CGRRF1: variants seen among roughly 807,000 people sequenced by gnomAD.
CGRRF1 encodes cell growth regulator with ring finger domain 1.
Under a neutral mutation model 37.2 loss-of-function variants are expected in CGRRF1, and 32 were observed. The observed-to-expected ratio is 0.86, with a 90% CI of 0.65 to 1.16. The LOEUF (loss-of-function observed/expected upper bound fraction) is 1.16, where lower values mean the gene tolerates loss of function less well. Ranked by LOEUF, CGRRF1 falls within the 50% of genes most tolerant of loss-of-function variation. CGRRF1 has a pLI of 0.00. For synonymous variants in CGRRF1, 141 were observed against 140.3 expected (o/e 1.00, Z -0.04); for missense variants, 391 against 382.6 (o/e 1.02, Z -0.18).
Position 54,530,145 on chromosome 14 carries a change from A to G in CGRRF1, c.341A>G (p.His114Arg). 1 of 1,613,544 alleles carries G rather than the reference A, an allele frequency of 6.2e-7. No individual in the cohort carries two copies. Among genetic ancestry groups the G allele is most frequent in the Non-Finnish European group, 8.5e-7 (1 of 1,179,516 alleles). The change falls in exon 3 of 6, where the codon CAT becomes CGT. Residue 114 changes from histidine to arginine, a missense_variant. His to Arg is a conservative substitution (Grantham distance 29). Transcript: ENST00000216420. ...AAATTATATGAAGCTCTGCAGAAGCATGTTTATTGCTTCAGAATAAGCACT... is the reference window on the plus strand; with the variant it reads ...AAATTATATGAAGCTCTGCAGAAGCGTGTTTATTGCTTCAGAATAAGCACT... Reference protein sequence around the residue: ...VQKLYEALQKHVYCFRISTPQ... With the variant: ...VQKLYEALQKRVYCFRISTPQ...
At chr14:54,536,115 TCCTC>T (rs1201652802) in intron 4 of CGRRF1, 2 of 152,246 alleles carry the variant, frequency 1.3e-5, no homozygotes, top group East Asian at 3.9e-4. Flanking sequence ...TTCTGATTTT[TCCTC>T]CCTGTTTTTT....
chr14:54,535,359 T>TCACACACACACACACACA lies in CGRRF1; in HGVS notation c.571-2345_571-2328dup, dbSNP rs143950400. Among the ~76,000 whole-genome samples the TCACACACACACACACACA allele has an allele frequency of 7.2e-3, 1,016 of 140,536 alleles. 15 individuals carry two copies. The highest frequency in any genetic ancestry group is 0.068 in the East Asian group (309 of 4,568). The allele number at this position is 140,536 out of a possible 152,430, so 92.2% of individuals were successfully genotyped here. A position where few individuals can be genotyped will look rare whatever the true frequency, so the allele number is the denominator to read the frequency against. On this transcript the variant is annotated intron_variant, in intron 4 of 5. Coordinates refer to ENST00000216420, the MANE Select transcript of CGRRF1 (RefSeq NM_006568.3). ...ACATGAGCATTTTTGAAGGGTATAG[T>TCACACACACACACACACA]CACACACACACACACACACACACAC...
intron 2 of CGRRF1, among the ~76,000 whole-genome samples, chr14:54,526,989 T>C (rs777750317): frequency 8.5e-5 from 13 of 152,112 alleles, no homozygotes; most frequent in Non-Finnish European, 1.8e-4. Context: ...CCTTATTTTT[T>C]TCACTTTTTT....
intron 2 of CGRRF1, among the ~76,000 whole-genome samples, chr14:54,524,763 C>T (rs888293002): frequency 9.9e-5 from 15 of 152,112 alleles, no homozygotes; most frequent in Non-Finnish European, 1.9e-4. Flanking sequence ...TTGATGGAAA[C>T]TAGGATCTCG....
At chr14:54,520,389 TC>T (rs1371372645) in intron 1 of CGRRF1, among the ~76,000 whole-genome samples, 6 of 152,120 alleles carry the variant, frequency 3.9e-5, no homozygotes, top group Non-Finnish European at 1.5e-5. Context: ...CGCCTCGGCC[TC>T]CCAAAGTGCT....
At chr14:54,528,959 T>G (rs1017501275) in intron 2 of CGRRF1, among the ~76,000 whole-genome samples, 1 of 152,190 alleles carries the variant, frequency 6.6e-6, no homozygotes, top group Non-Finnish European at 1.5e-5. Flanking sequence ...TGTATCTTCT[T>G]CTAACATATA....
At chr14:54,512,336 C>T (rs2032142861) in intron 1 of CGRRF1, among the ~76,000 whole-genome samples, 2 of 152,188 alleles carry the variant, frequency 1.3e-5, no homozygotes, top group African/African-American at 4.8e-5. Context: ...AAGAAGCATG[C>T]AACTGGAAAT....
In CGRRF1 at chr14:54,538,339, T is replaced by A. The variant is rs2032635302; in HGVS notation, c.955T>A (p.Cys319Ser). 3.1e-6 allele frequency: 5 copies of A among 1,612,918 alleles called. No individual in the cohort carries two copies. Among genetic ancestry groups the A allele is most frequent in the Non-Finnish European group, 4.2e-6 (5 of 1,179,056 alleles). ...RQFVQESFALCSQKEQDKDKP... is the reference protein window; with the variant it reads ...RQFVQESFALSSQKEQDKDKP... ...GTTTGTTCAGGAATCTTTTGCACTT[T>A]GCAGTCAAAAAGAGCAAGATAAAGA... is the stretch of plus-strand genomic sequence containing the variant. The change falls in exon 6 of 6, where the codon TGC (cysteine) becomes AGC (serine). Residue 319 changes from cysteine (C) to serine (S), a missense_variant. By Grantham distance (112) the Cys-to-Ser change is moderately radical. Transcript: ENST00000216420.
chr14:54,514,564 A>G (rs1434784568), intron 1 of CGRRF1, among the ~76,000 whole-genome samples: 2 of 152,206 alleles, frequency 1.3e-5, no homozygotes, highest in Non-Finnish European at 2.9e-5. Context: ...CCAGTACTCA[A>G]TAGTTATCTT....
At chr14:54,521,722 G>A (rs1004122790) in intron 1 of CGRRF1, among the ~76,000 whole-genome samples, 8 of 151,900 alleles carry the variant, frequency 5.3e-5, no homozygotes, top group Admixed American at 2.6e-4. Flanking sequence ...GGCCAGGCTG[G>A]TCTCGAACTC....
At chr14:54,510,215 G>A in intron 1 of CGRRF1, 152 bp downstream of exon 1, 1 of 621,220 alleles carries the variant, frequency 1.6e-6, no homozygotes, top group East Asian at 2.7e-5. Context: ...CTTTCTCTGG[G>A]AGGAAAACAA....
intron 2 of CGRRF1, among the ~76,000 whole-genome samples, chr14:54,527,021 C>T (rs1217683382): frequency 2.6e-5 from 4 of 152,098 alleles, no homozygotes; most frequent in South Asian, 2.1e-4. Context: ...TCTTACACTC[C>T]GCTTTATTTG....
intron 1 of CGRRF1, among the ~76,000 whole-genome samples, chr14:54,510,962 C>G (rs186053583): frequency 6.6e-6 from 1 of 152,280 alleles, no homozygotes; most frequent in Admixed American, 6.5e-5. Flanking sequence ...AGAGGGGACT[C>G]TGTTGAAGAG....
chr14:54,512,487 T>C (rs1267145375), intron 1 of CGRRF1, among the ~76,000 whole-genome samples: 3 of 152,262 alleles, frequency 2.0e-5, no homozygotes, highest in African/African-American at 7.2e-5. Flanking sequence ...CAGTAGCTAT[T>C]CCCGGCCTCC....
At chr14:54,533,266 A>G (rs928384016) in intron 4 of CGRRF1, among the ~76,000 whole-genome samples, 1 of 152,084 alleles carries the variant, frequency 6.6e-6, no homozygotes, top group Non-Finnish European at 1.5e-5. Flanking sequence ...CAGGTCCCTG[A>G]TCACACTGGA....
chr14:54,524,941 G>T (rs2032388263), intron 2 of CGRRF1, among the ~76,000 whole-genome samples: 1 of 152,160 alleles, frequency 6.6e-6, no homozygotes, highest in Admixed American at 6.5e-5. Flanking sequence ...CAGCTACTCG[G>T]GAGGATGAGG....
chr14:54,529,415 G>A (rs1054819463), intron 2 of CGRRF1, among the ~76,000 whole-genome samples: 4 of 152,138 alleles, frequency 2.6e-5, no homozygotes, highest in Non-Finnish European at 5.9e-5. Context: ...TTCTTAAGTT[G>A]AAAGTGAACA....
At chr14:54,532,995 G>A (rs1254584270) in intron 4 of CGRRF1, among the ~76,000 whole-genome samples, 1 of 151,772 alleles carries the variant, frequency 6.6e-6, no homozygotes, top group African/African-American at 2.4e-5. Flanking sequence ...TTTTTCCTTT[G>A]GTTCAGCACA....
rs761417839 is a variant in CGRRF1 at position 54,537,839 on chromosome 14, A to G, written c.678+10A>G. Reference sequence around the variant, plus strand: ...ATTTCATGATCTTAAGGTAAGCCGTACTCTGTAGTCTTATCTCTGTCTCTT... The same window carrying G: ...ATTTCATGATCTTAAGGTAAGCCGTGCTCTGTAGTCTTATCTCTGTCTCTT... On this transcript the variant is annotated intron_variant, in intron 5 of 5. Transcript: ENST00000216420. 4.7e-5 allele frequency: 75 copies of G among 1,594,184 alleles called. No individual in the cohort carries two copies. The highest frequency in any genetic ancestry group is 4.3e-4 in the South Asian group (37 of 86,226).
Sources: gnomAD v4.1 joint callset for allele counts (sites outside exome capture counted in the v4.1 genomes callset) on GRCh38, gnomAD v4.1.1 for gene constraint, MANE v1.5 for transcripts, NCBI Gene and HGNC (gene_info 2026-07-23, HGNC 2026-07-21) for gene names.